CBLB: variants seen among roughly 807,000 people sequenced by gnomAD.
The protein encoded by CBLB is Cbl proto-oncogene B.
A neutral mutation model predicts 104.9 loss-of-function variants in CBLB; 31 were observed. The ratio of observed to expected loss-of-function variants is 0.30; its 90% CI spans 0.22 to 0.40. The LOEUF is 0.40. CBLB is among the 10% of genes least tolerant of loss of function. The pLI, the probability that CBLB is intolerant of heterozygous loss-of-function variation, is 1.00. For missense variants in CBLB, 1,062 were observed against 1,214.6 expected (o/e 0.87, Z 1.87); for synonymous variants, 440 against 422.6 (o/e 1.04, Z -0.51).
Position 105,658,976 on chromosome 3 carries a change from A to G in CBLB, c.2943T>C (p.Asn981=). The G allele has an allele frequency of 6.2e-7, 1 of 1,613,632 alleles. No homozygotes were observed. The highest frequency in any genetic ancestry group is 8.5e-7 in the Non-Finnish European group (1 of 1,179,838). Residue 981 remains asparagine, a synonymous_variant, in exon 19 of 19, where the codon AAT becomes AAC. Transcript: ENST00000394030. ...GTGTCTACAGTTCTGGCTGCTATAG[A>G]TTTAGACGTGGGGATACTGGAGGAG... ...AFPPPVSPRL[N]L
chr3:105,672,823 T>C (rs1375621805), intron 17 of CBLB: 3 of 151,962 alleles, frequency 2.0e-5, no homozygotes, highest in Non-Finnish European at 4.4e-5. Context: ...GTTTGCTACT[T>C]AAAAAAGAAA....
chr3:105,739,743 G>C (rs2075328328), intron 7 of CBLB, among the ~76,000 whole-genome samples: 1 of 152,138 alleles, frequency 6.6e-6, no homozygotes, highest in African/African-American at 2.4e-5. Flanking sequence ...AGAGAGAAAA[G>C]AAAAGGGGTG....
At position 105,779,242 on chromosome 3, in the gene CBLB, C is replaced by T. The variant is rs995435039; in HGVS notation, c.420-2700G>A. 3.3e-5 allele frequency among the ~76,000 whole-genome samples: 5 copies of T among 152,170 alleles called. No homozygotes were observed. The South Asian group carries it at 1.0e-3, about 31-fold the overall frequency. On this transcript the variant is annotated intron_variant, in intron 3 of 18. Coordinates refer to ENST00000394030, the MANE Select transcript of CBLB (RefSeq NM_170662.5). ...CCATTCTGGGTATCTGATCCACTGG[C>T]TATGCAGACACTAAACTTTAAAAGA...
chr3:105,788,095 C>A (rs2081231034), intron 3 of CBLB, among the ~76,000 whole-genome samples: 1 of 152,138 alleles, frequency 6.6e-6, no homozygotes, highest in Admixed American at 6.5e-5. Context: ...AGGATAACAT[C>A]AGATGTAAAA....
At chr3:105,858,537 A>G (rs2091822311) in intron 2 of CBLB, among the ~76,000 whole-genome samples, 2 of 152,232 alleles carry the variant, frequency 1.3e-5, no homozygotes, top group East Asian at 3.8e-4. Context: ...TTGACAAAGA[A>G]CAAATCTGTA....
At chr3:105,757,161 T>G (rs1371905457) in intron 4 of CBLB, among the ~76,000 whole-genome samples, 1 of 152,186 alleles carries the variant, frequency 6.6e-6, no homozygotes, top group Non-Finnish European at 1.5e-5. Context: ...TGATGTTATA[T>G]ATCCAGTTTC....
chr3:105,670,416 A>T, intron 17 of CBLB, 64 bp from the exon 18 acceptor site: 1 of 1,314,546 alleles, frequency 7.6e-7, no homozygotes, highest in Non-Finnish European at 1.1e-6. Flanking sequence ...GAAGAAAAAA[A>T]TTCTAGAATT....
At chr3:105,739,163 G>A (rs933744901) in intron 7 of CBLB, among the ~76,000 whole-genome samples, 1 of 152,114 alleles carries the variant, frequency 6.6e-6, no homozygotes, top group East Asian at 1.9e-4. Context: ...TCCTGCCTTG[G>A]CCTCCCAAAA....
intron 4 of CBLB, among the ~76,000 whole-genome samples, chr3:105,770,914 G>T (rs542867652): frequency 6.6e-6 from 1 of 152,256 alleles, no homozygotes; most frequent in African/African-American, 2.4e-5. Context: ...TTTTAAAAAT[G>T]CAAACAGAGA....
intron 3 of CBLB, among the ~76,000 whole-genome samples, chr3:105,787,578 G>A (rs1318747082): frequency 1.3e-5 from 2 of 151,834 alleles, no homozygotes; most frequent in African/African-American, 4.9e-5. Context: ...AGCAAAAACT[G>A]TGAATCCATT....
At chr3:105,833,232 CATATA>C (rs2087849625) in intron 3 of CBLB, among the ~76,000 whole-genome samples, 1 of 152,188 alleles carries the variant, frequency 6.6e-6, no homozygotes. Flanking sequence ...TCATTCTGAT[CATATA>C]ATCTTGAATA....
chr3:105,762,141 T>C (rs540648290), intron 4 of CBLB: 19 of 152,280 alleles, frequency 1.2e-4, no homozygotes, highest in African/African-American at 4.6e-4. Context: ...AAGCATTAAG[T>C]TTTATTCATT....
At chr3:105,785,651 C>T (rs1288605635) in intron 3 of CBLB, among the ~76,000 whole-genome samples, 3 of 152,142 alleles carry the variant, frequency 2.0e-5, no homozygotes, top group African/African-American at 4.8e-5. Flanking sequence ...CATTTCAATA[C>T]TGTTCTTTTG....
chr3:105,851,749 T>C (rs1174452681), intron 3 of CBLB, among the ~76,000 whole-genome samples: 1 of 152,152 alleles, frequency 6.6e-6, no homozygotes, highest in Non-Finnish European at 1.5e-5. Context: ...TAAATTCACA[T>C]AAAGCTATTA....
chr3:105,665,394 T>A lies in CBLB; in HGVS notation c.2689+4839A>T, dbSNP rs138327465. 5.2e-4 allele frequency among the ~76,000 whole-genome samples: 62 copies of A among 118,432 alleles called. No homozygotes were observed. In the East Asian group the frequency reaches 5.9e-3, roughly 11 times the overall value. The allele number at this position is 118,432 out of a possible 152,430, so 77.7% of individuals were successfully genotyped here. ...GAGCGAGACTCTGTCTCCAAAAAAA[T>A]AAATAAATAAATAAATAAATAAATA... On this transcript the variant is annotated intron_variant, in intron 18 of 18. Coordinates refer to ENST00000394030, the MANE Select transcript of CBLB (RefSeq NM_170662.5).
chr3:105,829,413 C>T (rs1367702248), intron 3 of CBLB, among the ~76,000 whole-genome samples: 1 of 151,998 alleles, frequency 6.6e-6, no homozygotes, highest in Non-Finnish European at 1.5e-5. Context: ...GATCTTGACG[C>T]TTTGGGAGGC....
chr3:105,754,074 C>A (rs1027321284), intron 4 of CBLB, among the ~76,000 whole-genome samples: 41 of 151,912 alleles, frequency 2.7e-4, no homozygotes, highest in African/African-American at 9.7e-4. Context: ...TGAGTGTTTG[C>A]GCAACAGATA....
At position 105,797,420 on chromosome 3, in the gene CBLB, C is replaced by T. The variant is rs190086654; in HGVS notation, c.420-20878G>A. Among the ~76,000 whole-genome samples the T allele has an allele frequency of 4.3e-4, 66 of 152,112 alleles. 1 individual carries two copies. Among genetic ancestry groups the T allele is most frequent in the African/African-American group, 1.6e-3 (66 of 41,508 alleles). On this transcript the variant is annotated intron_variant, in intron 3 of 18. Coordinates refer to ENST00000394030, the MANE Select transcript of CBLB (RefSeq NM_170662.5). The stretch of plus-strand genomic sequence containing the variant: ...GAACACATGGACACAAAGAGGGGAA[C>T]AACAGACACCAGGGGCTACTTGAGG...
chr3:105,745,664 C>G (rs1383855426), intron 6 of CBLB, among the ~76,000 whole-genome samples: 2 of 152,138 alleles, frequency 1.3e-5, no homozygotes, highest in East Asian at 3.9e-4. Flanking sequence ...TTCAATTTTG[C>G]ACATAAACAC....
Sources: allele counts gnomAD v4.1 joint callset (sites outside exome capture counted in the v4.1 genomes callset), GRCh38; gene constraint gnomAD v4.1.1; transcripts MANE v1.5; gene names NCBI Gene and HGNC (gene_info 2026-07-23, HGNC 2026-07-21).